The following TRIM7 variants were observed in gnomAD, a reference collection of about 807,000 sequenced individuals.
TRIM7 encodes tripartite motif containing 7, also known as E3 ubiquitin-protein ligase TRIM7.
TRIM7 carries 32 observed loss-of-function variants against 37.9 expected under a neutral mutation model. The observed-to-expected ratio is 0.84, with a 90% CI of 0.64 to 1.13. The LOEUF (loss-of-function observed/expected upper bound fraction) is 1.13, where lower values mean the gene tolerates loss of function less well. Ranked by LOEUF, TRIM7 falls within the 50% of genes most tolerant of loss-of-function variation. TRIM7 has a pLI of 0.00. For synonymous variants in TRIM7, 351 were observed against 321.3 expected (o/e 1.09, Z -0.99); for missense variants, 732 against 714.0 (o/e 1.03, Z -0.29).
chr5:181,200,271 A>C, intron 2 of TRIM7, 190 bp from the exon 3 acceptor site: 3 of 1,455,756 alleles, frequency 2.1e-6, no homozygotes, highest in Non-Finnish European at 2.7e-6. Context: ...TAGTCTGGAC[A>C]CATGCTCTTT....
Position 181,195,246 on chromosome 5 carries a change from A to G in TRIM7, c.1456T>C (p.Phe486Leu). ...ACGCGCTCCTGGAAGTTGACGCGGAAGGTGTAGAGGTGGCGCATGTCCTCC... is the reference window on the plus strand; with the variant it reads ...ACGCGCTCCTGGAAGTTGACGCGGAGGGTGTAGAGGTGGCGCATGTCCTCC... Reference protein sequence around the residue: ...AVEDMRHLYTFRVNFQERVFP... With the variant: ...AVEDMRHLYTLRVNFQERVFP... Residue 486 changes from phenylalanine (F) to leucine (L), a missense_variant, in exon 7 of 7, where the codon TTC (phenylalanine) becomes CTC (leucine). Coordinates refer to ENST00000274773, the MANE Select transcript of TRIM7 (RefSeq NM_203293.3). The G allele has an allele frequency of 6.2e-7, 1 of 1,612,730 alleles. No individual in the cohort carries two copies. Among genetic ancestry groups the G allele is most frequent in the Non-Finnish European group, 8.5e-7 (1 of 1,179,430 alleles).
chr5:181,201,427 G>A (rs762746056), intron 2 of TRIM7, among the ~76,000 whole-genome samples: 2 of 152,198 alleles, frequency 1.3e-5, no homozygotes, highest in Non-Finnish European at 2.9e-5. Context: ...AATGAGACAA[G>A]TGTCATAAAT....
In TRIM7 at chr5:181,200,715, C is replaced by G. The variant is rs935803151; in HGVS notation, c.619-634G>C. Reference sequence around the variant, plus strand: ...CTGTTCTTTCCATTAACAGCATACACCGGATTTTTTACTCGAGTTTTCAGA... The same window carrying G: ...CTGTTCTTTCCATTAACAGCATACAGCGGATTTTTTACTCGAGTTTTCAGA... On this transcript the variant is annotated intron_variant, in intron 2 of 6. Coordinates refer to ENST00000274773, the MANE Select transcript of TRIM7 (RefSeq NM_203293.3). The G allele has an allele frequency of 3.0e-6, 3 of 988,588 alleles. No homozygotes were observed. In the African/African-American group the frequency reaches 5.2e-5, roughly 17 times the overall value. The allele number at this position is 988,588 out of a possible 1,614,324, so 61.2% of individuals were successfully genotyped here.
At chr5:181,200,289 T>G (rs1757401316) in intron 2 of TRIM7, 2 of 1,441,138 alleles carry the variant, frequency 1.4e-6, no homozygotes, top group Non-Finnish European at 1.8e-6. Flanking sequence ...TTTTCTCCCC[T>G]GCCACAGATG....
chr5:181,204,721 G>A lies in TRIM7; in HGVS notation c.390C>T (p.Cys130=), dbSNP rs764861280. The A allele has an allele frequency of 2.7e-6, 4 of 1,478,874 alleles. No individual in the cohort carries two copies. The highest frequency in any genetic ancestry group is 2.7e-6 in the Non-Finnish European group (3 of 1,124,376). 91.6% of individuals were successfully genotyped at this position (1,478,874 alleles called of 1,614,324 possible). ...AAAARAAAAR[C]GQHGEPFKLY... Reference sequence around the variant, plus strand: ...GCTTGAAGGGTTCGCCATGCTGCCCGCAGCGGGCAGCCGCTGCCCGGGCCG... The same window carrying A: ...GCTTGAAGGGTTCGCCATGCTGCCCACAGCGGGCAGCCGCTGCCCGGGCCG... The change falls in exon 1 of 7, where the codon TGC becomes TGT. Residue 130 remains cysteine (C), a synonymous_variant. Coordinates refer to ENST00000274773, the MANE Select transcript of TRIM7 (RefSeq NM_203293.3).
chr5:181,203,886 C>G, intron 1 of TRIM7: 1 of 1,277,976 alleles, frequency 7.8e-7, no homozygotes, highest in Non-Finnish European at 9.9e-7. Flanking sequence ...AGCCCTACCC[C>G]TAGTCGTCTC....
At chr5:181,202,000 G>A (rs1306174149) in intron 2 of TRIM7, among the ~76,000 whole-genome samples, 3 of 152,106 alleles carry the variant, frequency 2.0e-5, no homozygotes, top group African/African-American at 7.2e-5. Context: ...AGGTAGGAAG[G>A]TCTGGGATGC....
intron 2 of TRIM7, chr5:181,200,305 A>C (rs1366731509): frequency 1.4e-6 from 2 of 1,437,168 alleles, no homozygotes; most frequent in Admixed American, 5.7e-5. Flanking sequence ...AGATGCACCC[A>C]CACATGTCTG....
intron 1 of TRIM7, chr5:181,203,965 G>C: frequency 9.1e-7 from 1 of 1,100,608 alleles, no homozygotes; most frequent in Non-Finnish European, 1.1e-6. Flanking sequence ...GGCCAGCAAG[G>C]AGAGACTGGG....
At chr5:181,199,010 G>C (rs565336920) in intron 4 of TRIM7, 85 bp downstream of exon 4, 12 of 1,560,080 alleles carry the variant, frequency 7.7e-6, no homozygotes, top group Non-Finnish European at 1.1e-5. Flanking sequence ...GAGGTGAGAG[G>C]TCAGGGGACA....
chr5:181,198,618 G>C, intron 5 of TRIM7, 72 bp downstream of exon 5: 1 of 1,041,840 alleles, frequency 9.6e-7, no homozygotes, highest in Non-Finnish European at 1.5e-6. Flanking sequence ...GCACACCCAG[G>C]GACCCCTGAG....
chr5:181,196,051 T>C (rs183304880), intron 6 of TRIM7: 20 of 212,226 alleles, frequency 9.4e-5, no homozygotes, highest in African/African-American at 4.6e-4. Context: ...CACACTGAGG[T>C]ATTTATGGCA....
At chr5:181,200,376 A>C in intron 2 of TRIM7, 1 of 1,386,598 alleles carries the variant, frequency 7.2e-7, no homozygotes, top group Non-Finnish European at 9.3e-7. Context: ...AACTACGCCA[A>C]GCTGCAGCTT....
In TRIM7 at chr5:181,204,753, C is replaced by T; in HGVS notation, c.358G>A (p.Ala120Thr). ...GCAGCCGCTGCCCGGGCCGCGGCCG[C>T]CTGAGACCCGTGCTCTCCCGGGGCA... is the stretch of plus-strand genomic sequence containing the variant. Reference protein sequence around the residue: ...AAAPGEHGSQAAAARAAAARC... With the variant: ...AAAPGEHGSQTAAARAAAARC... Residue 120 changes from alanine to threonine, a missense_variant, in exon 1 of 7, where the codon GCG becomes ACG. Physicochemically the swap from Ala to Thr is moderately conservative, Grantham distance 58. Transcript: ENST00000274773. The T allele has an allele frequency of 6.9e-7, 1 of 1,456,004 alleles. No individual in the cohort carries two copies. Among genetic ancestry groups the T allele is most frequent in the East Asian group, 3.0e-5 (1 of 33,508 alleles). 90.2% of individuals were successfully genotyped at this position (1,456,004 alleles called of 1,614,324 possible). A position where few individuals can be genotyped will look rare whatever the true frequency, so the allele number is the denominator to read the frequency against.
In TRIM7 at chr5:181,204,648, C is replaced by G; in HGVS notation, c.463G>C (p.Ala155Pro). ...GRAICVVCDRAREHREHAVLP... is the reference protein window; with the variant it reads ...GRAICVVCDRPREHREHAVLP... Reference sequence around the variant, plus strand: ...ACGGCGTGCTCGCGGTGCTCGCGGGCGCGGTCGCACACCACGCAGATGGCG... The same window carrying G: ...ACGGCGTGCTCGCGGTGCTCGCGGGGGCGGTCGCACACCACGCAGATGGCG... The change falls in exon 1 of 7, where the codon GCC becomes CCC. Residue 155 changes from alanine to proline, a missense_variant. Physicochemically the swap from Ala to Pro is conservative, Grantham distance 27. Coordinates refer to ENST00000274773, the MANE Select transcript of TRIM7 (RefSeq NM_203293.3). 6.7e-7 allele frequency: 1 copy of G among 1,496,948 alleles called. No individual in the cohort carries two copies. The highest frequency in any genetic ancestry group is 8.8e-7 in the Non-Finnish European group (1 of 1,135,202). The allele number at this position is 1,496,948 out of a possible 1,614,324, so 92.7% of individuals were successfully genotyped here.
chr5:181,203,404 A>G (rs549826573), intron 2 of TRIM7, 141 bp downstream of exon 2: 893 of 1,506,878 alleles, frequency 5.9e-4, no homozygotes, highest in Non-Finnish European at 7.4e-4. Flanking sequence ...GACACCCTAT[A>G]TAATATGGAC....
Position 181,195,411 on chromosome 5 carries a change from C to T in TRIM7, c.1291G>A (p.Gly431Ser). 1.3e-6 allele frequency: 2 copies of T among 1,595,706 alleles called. No homozygotes were observed. Among genetic ancestry groups the T allele is most frequent in the African/African-American group, 1.3e-5 (1 of 74,578 alleles). ...CCGTTGAGCTGCAGGGCCCAGACGC[C>T]CTCCTCGGGAGTGAAGGGCGTCAGG... The part of the protein sequence containing the change: ...KGLTPFTPEE[G>S]VWALQLNGGQ... Residue 431 changes from glycine to serine, a missense_variant, in exon 7 of 7, where the codon GGC becomes AGC. Gly to Ser is a moderately conservative substitution (Grantham distance 56). Coordinates refer to ENST00000274773, the MANE Select transcript of TRIM7 (RefSeq NM_203293.3).
Position 181,205,142 on chromosome 5 carries a change from G to C in TRIM7, c.-32C>G. On this transcript the variant is annotated 5_prime_UTR_variant, in exon 1 of 7. Transcript: ENST00000274773. ...TCTCCGCGCACCCAGATCTGGTCGC[G>C]CCTGGGCGGCCACTGGACCTCACAG... 7.8e-7 allele frequency: 1 copy of C among 1,280,828 alleles called. No individual in the cohort carries two copies. The highest frequency in any genetic ancestry group is 9.9e-7 in the Non-Finnish European group (1 of 1,013,662). 79.3% of individuals were successfully genotyped at this position (1,280,828 alleles called of 1,614,324 possible).
At position 181,200,020 on chromosome 5, in the gene TRIM7, A is replaced by T. The variant is rs150528571; in HGVS notation, c.680T>A (p.Leu227Gln). The T allele has an allele frequency of 9.9e-6, 16 of 1,614,248 alleles. No homozygotes were observed. The African/African-American group carries it at 2.0e-4, about 20-fold the overall frequency. ...GAEFQALRAFLVEQEGRLLGR... is the reference protein window; with the variant it reads ...GAEFQALRAFQVEQEGRLLGR... ...TAGCAGCCGACCCTCCTGCTCCACCAGGAAAGCCCTCAGTGCCTGGAACTC... is the reference window on the plus strand; with the variant it reads ...TAGCAGCCGACCCTCCTGCTCCACCTGGAAAGCCCTCAGTGCCTGGAACTC... Residue 227 changes from leucine (L) to glutamine (Q), a missense_variant, in exon 3 of 7, where the codon CTG (leucine) becomes CAG (glutamine). By Grantham distance (113) the Leu-to-Gln change is moderately radical. Transcript: ENST00000274773.
Sources: allele counts gnomAD v4.1 joint callset (sites outside exome capture counted in the v4.1 genomes callset), GRCh38; gene constraint gnomAD v4.1.1; transcripts MANE v1.5; gene names NCBI Gene and HGNC (gene_info 2026-07-23, HGNC 2026-07-21).